Variants in NRBF2 observed in about 807,000 individuals in gnomAD.
NRBF2 encodes the protein nuclear receptor-binding factor 2.
In NRBF2, 12 loss-of-function variants were observed where a neutral mutation model predicts 28.5. That is an observed-to-expected ratio of 0.42 (90% CI 0.27 to 0.68). NRBF2 has a LOEUF of 0.68. NRBF2 is among the 30% of genes least tolerant of loss of function. The pLI is 0.24. For missense variants in NRBF2, 274 were observed against 333.5 expected, an observed-to-expected ratio of 0.82 and a Z score of 1.39; for synonymous variants, 102 against 116.5, an observed-to-expected ratio of 0.88 and a Z score of 0.80.
intron 1 of NRBF2, among the ~76,000 whole-genome samples, chr10:63,145,542 A>G (rs1171442995): frequency 6.6e-6 from 1 of 152,354 alleles, no homozygotes; most frequent in African/African-American, 2.4e-5. Flanking sequence ...AAGTGTAAGG[A>G]GGCCAGTGAC....
Position 63,133,502 on chromosome 10 carries a change from T to G in NRBF2, c.30+2T>G. On this transcript the variant is annotated splice_donor_variant, in intron 1 of 3. Transcript: ENST00000277746. LOFTEE classifies it high-confidence loss of function. The stretch of plus-strand genomic sequence containing the variant: ...GTAATGGAAGGACCCCTCAACCTGG[T>G]GAGTGTCCCACAGAATATAGCGTTC... 6.2e-7 allele frequency: 1 copy of G among 1,607,690 alleles called. No individual in the cohort carries two copies. The highest frequency in any genetic ancestry group is 8.5e-7 in the Non-Finnish European group (1 of 1,175,292).
Position 63,154,539 on chromosome 10 carries a change from T to TA in NRBF2, c.*325dup, listed in dbSNP as rs967642786. Reference sequence around the variant, plus strand: ...CAGTTATTTTTCTTATCTTCAGGGTTAAAATGTATAAAAGTTATGTGTAAT... The same window carrying TA: ...CAGTTATTTTTCTTATCTTCAGGGTTAAAAATGTATAAAAGTTATGTGTAAT... On this transcript the variant is annotated 3_prime_UTR_variant, in exon 4 of 4. Transcript: ENST00000277746. The TA allele has an allele frequency of 4.9e-6, 1 of 204,280 alleles. No homozygotes were observed. The highest frequency in any genetic ancestry group is 9.9e-6 in the Non-Finnish European group (1 of 101,504). The allele number at this position is 204,280 out of a possible 1,614,324, so 12.7% of individuals were successfully genotyped here.
intron 2 of NRBF2, among the ~76,000 whole-genome samples, 186 bp from the exon 3 acceptor site, chr10:63,151,964 A>G (rs980400523): frequency 6.6e-6 from 1 of 152,158 alleles, no homozygotes; most frequent in Non-Finnish European, 1.5e-5. Flanking sequence ...GGTAGGGAAT[A>G]TTTTCATTTT....
Position 63,153,741 on chromosome 10 carries a change from G to A in NRBF2, c.387G>A (p.Glu129=). The stretch of plus-strand genomic sequence containing the variant: ...CTTCCACAGAGAAATGCCTGCCTGA[G>A]ATTCAGGGGATCTTTGACAGGGATC... ...YSPSTEKCLP[E]IQGIFDRDPD... Residue 129 remains glutamate, a synonymous_variant, in exon 4 of 4, where the codon GAG becomes GAA. Transcript: ENST00000277746. 1.2e-6 allele frequency: 2 copies of A among 1,612,732 alleles called. No homozygotes were observed. Among genetic ancestry groups the A allele is most frequent in the Non-Finnish European group, 1.7e-6 (2 of 1,179,736 alleles).
Position 63,133,463 on chromosome 10 carries a change from C to G in NRBF2, c.-8C>G, listed in dbSNP as rs747056602. ...CCCTTCCTAAGGCCGCCGCTTACCC[C>G]GGGGTCTATGGAAGTAATGGAAGGA... On this transcript the variant is annotated 5_prime_UTR_variant, in exon 1 of 4. Coordinates refer to ENST00000277746, the MANE Select transcript of NRBF2 (RefSeq NM_030759.5). The G allele has an allele frequency of 1.4e-5, 23 of 1,611,778 alleles. No homozygotes were observed. The African/African-American group carries it at 3.1e-4, about 22-fold the overall frequency.
At chr10:63,147,610 C>CA (rs1231293160) in intron 2 of NRBF2, among the ~76,000 whole-genome samples, 1 of 117,252 alleles carries the variant, frequency 8.5e-6, no homozygotes, top group Non-Finnish European at 1.8e-5. Context: ...CTGCTCTCAG[C>CA]CTTTTTTTTT....
At chr10:63,133,622 G>A in intron 1 of NRBF2, 122 bp downstream of exon 1, 2 of 745,436 alleles carry the variant, frequency 2.7e-6, no homozygotes, top group South Asian at 3.0e-5. Context: ...AGTGGTCGCA[G>A]AGGCTGTGAG....
chr10:63,151,795 T>C (rs373772635), intron 2 of NRBF2, among the ~76,000 whole-genome samples: 7 of 152,246 alleles, frequency 4.6e-5, no homozygotes, highest in African/African-American at 1.4e-4. Flanking sequence ...AAGTCATTGA[T>C]AATCTCATGA....
intron 1 of NRBF2, among the ~76,000 whole-genome samples, chr10:63,138,194 T>TC (rs1841403673): frequency 6.6e-6 from 1 of 152,006 alleles, no homozygotes; most frequent in Admixed American, 6.6e-5. Context: ...GTGCCTGTAA[T>TC]CCCAGCTACT....
chr10:63,150,407 C>CTTT, intron 2 of NRBF2: 8 of 791,016 alleles, frequency 1.0e-5, no homozygotes, highest in Non-Finnish European at 1.2e-5. Context: ...TTTTTCTTTC[C>CTTT]TTTTTTTTTT....
chr10:63,143,932 A>AT (rs946807007), intron 1 of NRBF2, among the ~76,000 whole-genome samples: 1 of 151,078 alleles, frequency 6.6e-6, no homozygotes, highest in African/African-American at 2.4e-5. Context: ...TAATTTTTGT[A>AT]TTTTTTGTAG....
chr10:63,154,114 A>G lies in NRBF2; in HGVS notation c.760A>G (p.Lys254Glu). The G allele has an allele frequency of 6.2e-7, 1 of 1,613,948 alleles. No homozygotes were observed. ...GTTCGCAGCAAATACTGGGAAAGCCAAGGACATTCCAATCCCCAATCTTCC... is the reference window on the plus strand; with the variant it reads ...GTTCGCAGCAAATACTGGGAAAGCCGAGGACATTCCAATCCCCAATCTTCC... ...QKFAANTGKA[K>E]DIPIPNLPPL... is the part of the protein sequence containing the mutation. Residue 254 changes from lysine (K) to glutamate (E), a missense_variant, in exon 4 of 4, where the codon AAG becomes GAG. By Grantham distance (56) the Lys-to-Glu change is moderately conservative. Coordinates refer to ENST00000277746, the MANE Select transcript of NRBF2 (RefSeq NM_030759.5).
chr10:63,147,276 C>T (rs572984792), intron 2 of NRBF2, among the ~76,000 whole-genome samples: 98 of 151,952 alleles, frequency 6.4e-4, no homozygotes, highest in Non-Finnish European at 9.3e-4. Flanking sequence ...CTTCTTACTA[C>T]AGTGGTTTTT....
chr10:63,141,786 C>T (rs746965140), intron 1 of NRBF2, among the ~76,000 whole-genome samples: 6 of 152,164 alleles, frequency 3.9e-5, no homozygotes, highest in Non-Finnish European at 8.8e-5. Flanking sequence ...AGCTCTATAA[C>T]GAGTTTGCTG....
intron 2 of NRBF2, among the ~76,000 whole-genome samples, chr10:63,147,437 C>T (rs563452233): frequency 2.0e-5 from 3 of 151,996 alleles, no homozygotes; most frequent in African/African-American, 7.2e-5. Flanking sequence ...TCTCCTGCCT[C>T]AGCCTCCCGA....
chr10:63,153,398 A>C, intron 3 of NRBF2, 113 bp from the exon 4 acceptor site: 1 of 785,280 alleles, frequency 1.3e-6, no homozygotes, highest in Non-Finnish European at 2.0e-6. Flanking sequence ...AACATAGTAA[A>C]TTGTAAATTG....
In NRBF2 at chr10:63,154,553, G is replaced by GT. The variant is rs1253810485; in HGVS notation, c.*337dup. 1.1e-5 allele frequency: 2 copies of GT among 188,218 alleles called. No homozygotes were observed. 11.7% of individuals were successfully genotyped at this position (188,218 alleles called of 1,614,324 possible). The stretch of plus-strand genomic sequence containing the variant: ...ATCTTCAGGGTTAAAATGTATAAAA[G>GT]TTATGTGTAATTAATCTATAATGCC... On this transcript the variant is annotated 3_prime_UTR_variant, in exon 4 of 4. Coordinates refer to ENST00000277746, the MANE Select transcript of NRBF2 (RefSeq NM_030759.5).
At chr10:63,147,321 AT>A (rs200520684) in intron 2 of NRBF2, among the ~76,000 whole-genome samples, 20,946 of 145,876 alleles carry the variant, frequency 0.14, 2,093 homozygotes, top group East Asian at 0.35. Flanking sequence ...GAAAATTAAA[AT>A]TTTTTTTTTT....
intron 3 of NRBF2, among the ~76,000 whole-genome samples, chr10:63,152,469 A>G (rs1841665656): frequency 6.6e-6 from 1 of 152,224 alleles, no homozygotes; most frequent in Non-Finnish European, 1.5e-5. Context: ...TCTTCGGACC[A>G]TTCCTAATCA....
Sources: gnomAD v4.1 joint callset for allele counts (sites outside exome capture counted in the v4.1 genomes callset) on GRCh38, gnomAD v4.1.1 for gene constraint, MANE v1.5 for transcripts, NCBI Gene and HGNC (gene_info 2026-07-23, HGNC 2026-07-21) for gene names.